Variants in KIF1B observed in about 807,000 individuals in gnomAD.
The protein encoded by KIF1B is kinesin-like protein KIF1B.
KIF1B carries 76 observed loss-of-function variants against 241.9 expected under a neutral mutation model. The ratio of observed to expected loss-of-function variants is 0.31; its 90% CI spans 0.26 to 0.38. The LOEUF (loss-of-function observed/expected upper bound fraction) is 0.38, where lower values mean the gene tolerates loss of function less well. KIF1B is among the 10% of genes least tolerant of loss of function. The pLI, the probability that KIF1B is intolerant of heterozygous loss-of-function variation, is 1.00. For synonymous variants in KIF1B, 750 were observed against 796.7 expected, an observed-to-expected ratio of 0.94 and a Z score of 0.99; for missense variants, 1,622 against 2,271.4, an observed-to-expected ratio of 0.71 and a Z score of 5.81.
At chr1:10,345,822 C>A (rs1339066679) in intron 34 of KIF1B, 23 bp from the exon 35 acceptor site, 2 of 1,582,102 alleles carry the variant, frequency 1.3e-6, no homozygotes, top group African/African-American at 1.3e-5. Context: ...CAGATTTTGA[C>A]ATACTCTAAA....
chr1:10,289,929 TCA>T (rs138715209), intron 15 of KIF1B, among the ~76,000 whole-genome samples: 7,973 of 152,114 alleles, frequency 0.052, 330 homozygotes, highest in Middle Eastern at 0.12. Flanking sequence ...TAGGATTATA[TCA>T]GTCTCCTTAC....
At chr1:10,275,131 T>C (rs1337278467) in intron 10 of KIF1B, among the ~76,000 whole-genome samples, 2 of 152,194 alleles carry the variant, frequency 1.3e-5, no homozygotes, top group East Asian at 3.8e-4. Context: ...TGAAAGATGA[T>C]TGGCAGAGTA....
rs1649595190 is a variant in KIF1B at position 10,284,568 on chromosome 1, C to T, written c.1434+2035C>T. On this transcript the variant is annotated intron_variant, in intron 15 of 48. Coordinates refer to ENST00000676179, the MANE Select transcript of KIF1B (RefSeq NM_001365951.3). The stretch of plus-strand genomic sequence containing the variant: ...AAGCATGGTGGCACACGCCTGTAAT[C>T]CCAGCTGCTTGGAGGGTGAGGCACA... Among the ~76,000 whole-genome samples the T allele has an allele frequency of 3.3e-5, 5 of 152,132 alleles. No homozygotes were observed. The South Asian group carries it at 1.0e-3, about 32-fold the overall frequency.
intron 32 of KIF1B, 94 bp from the exon 33 acceptor site, chr1:10,341,951 CAAAAA>C (rs33942183): frequency 5.8e-5 from 40 of 693,998 alleles, no homozygotes; most frequent in African/African-American, 8.3e-5. Flanking sequence ...GACCTTGCCT[CAAAAA>C]AAAAAAAAAA....
In KIF1B at chr1:10,365,422, G is replaced by A. The variant is rs201477179; in HGVS notation, c.4526G>A (p.Arg1509His). 79 of 1,613,958 alleles carry A rather than the reference G, an allele frequency of 4.9e-5. No homozygotes were observed. Among genetic ancestry groups the A allele is most frequent in the African/African-American group, 1.1e-4 (8 of 74,874 alleles). Residue 1509 changes from arginine to histidine, a missense_variant, in exon 43 of 49, where the codon CGC becomes CAC. Arg to His is a conservative substitution (Grantham distance 29, BLOSUM62 0). This residue lies in a region of KIF1B where 357 missense variants were observed against 409.0 expected (regional missense o/e 0.87). Transcript: ENST00000676179. This position sits in a 1 kb window ranked among gnomAD's most constrained non-coding sequence, Gnocchi z 4.0. ...LELLHEVEKT[R>H]HFLLLRERLG... ...TGATCTTCTCAGGTGGAAAAAACCC[G>A]CCACTTTTTGCTGCTGCGTGAGAGA...
rs575913872 is a variant in KIF1B, at chr1:10,251,348, C to T, written c.107-4899C>T. Among the ~76,000 whole-genome samples, 72 of 135,382 alleles carry T rather than the reference C, an allele frequency of 5.3e-4. 1 individual carries two copies. The East Asian group carries it at 8.6e-3, about 16-fold the overall frequency. The allele number at this position is 135,382 out of a possible 152,430, so 88.8% of individuals were successfully genotyped here. On this transcript the variant is annotated intron_variant, in intron 2 of 48. Transcript: ENST00000676179. Reference sequence around the variant, plus strand: ...TTTCCTTTCTTTTTTTTTTTTTTTACTAAGGAAAAGAGAACAAAGCGATAA... The same window carrying T: ...TTTCCTTTCTTTTTTTTTTTTTTTATTAAGGAAAAGAGAACAAAGCGATAA...
rs184232081 is a variant in KIF1B, at chr1:10,379,482, G to A, written c.*2895G>A. On this transcript the variant is annotated 3_prime_UTR_variant, in exon 49 of 49. Transcript: ENST00000676179. ...GTCCAGGGTGGGTGCTCCCTTGCCC[G>A]ACAGAACCATCCCCACTGTGAGGCT... is the stretch of plus-strand genomic sequence containing the variant. 1.5e-3 allele frequency: 338 copies of A among 231,860 alleles called. 1 individual carries two copies. Among genetic ancestry groups the A allele is most frequent in the African/African-American group, 6.9e-3 (312 of 45,392 alleles). 14.4% of individuals were successfully genotyped at this position (231,860 alleles called of 1,614,324 possible). A position where few individuals can be genotyped will look rare whatever the true frequency, so the allele number is the denominator to read the frequency against.
Position 10,365,736 on chromosome 1 carries a change from C to T in KIF1B, c.4752+88C>T, listed in dbSNP as rs1290000681. On this transcript the variant is annotated intron_variant, in intron 43 of 48. Coordinates refer to ENST00000676179, the MANE Select transcript of KIF1B (RefSeq NM_001365951.3). The surrounding 1 kb of genome is among the most constrained non-coding windows in gnomAD (Gnocchi z 4.0). ...TTTATTCATTTTCAACACCTTTGTT[C>T]GAGGTGTTTGAAGGCCTGTGATAAT... 13 of 1,559,584 alleles carry T rather than the reference C, an allele frequency of 8.3e-6. No individual in the cohort carries two copies. Among genetic ancestry groups the T allele is most frequent in the Admixed American group, 3.3e-5 (2 of 59,702 alleles).
At chr1:10,225,902 T>A (rs765676893) in intron 1 of KIF1B, among the ~76,000 whole-genome samples, 2 of 152,090 alleles carry the variant, frequency 1.3e-5, no homozygotes, top group Non-Finnish European at 2.9e-5. Flanking sequence ...TAGAAATAGA[T>A]CTGTACTTCA....
Position 10,337,292 on chromosome 1 carries a change from A to C in KIF1B, c.3260-79A>C, listed in dbSNP as rs1037805013. On this transcript the variant is annotated intron_variant, in intron 30 of 48. Transcript: ENST00000676179. This position sits in a 1 kb window ranked among gnomAD's most constrained non-coding sequence, Gnocchi z 4.0. ...TCAAGGGACATAGTGGCCTTCATCA[A>C]CTAGGAATGGAAAGCATGCCCAACT... 15 of 1,612,554 alleles carry C rather than the reference A, an allele frequency of 9.3e-6. No individual in the cohort carries two copies. The Admixed American group carries it at 2.5e-4, about 27-fold the overall frequency.
intron 2 of KIF1B, 80 bp downstream of exon 2, chr1:10,232,514 A>G: frequency 1.0e-6 from 1 of 972,768 alleles, no homozygotes; most frequent in Non-Finnish European, 1.6e-6. Context: ...TGTTCAGAAT[A>G]GATGAACATC....
chr1:10,306,524 T>A, intron 22 of KIF1B: 1 of 709,918 alleles, frequency 1.4e-6, no homozygotes, highest in Non-Finnish European at 1.8e-6. Flanking sequence ...AGCAGGAGGA[T>A]CCCTAGAGCC....
rs1569831619 is a variant in KIF1B at position 10,326,487 on chromosome 1, C to T, written c.2924+128C>T. 2 of 1,233,562 alleles carry T rather than the reference C, an allele frequency of 1.6e-6. No homozygotes were observed. The highest frequency in any genetic ancestry group is 4.6e-5 in the East Asian group (2 of 43,020). The allele number at this position is 1,233,562 out of a possible 1,614,324, so 76.4% of individuals were successfully genotyped here. A position where few individuals can be genotyped will look rare whatever the true frequency, so the allele number is the denominator to read the frequency against. The stretch of plus-strand genomic sequence containing the variant: ...TCATGAATGCTCTTTTTCAAGTTCT[C>T]CAATACTTCAAGCTCTTAGTCAGTG... On this transcript the variant is annotated intron_variant, in intron 27 of 48. Transcript: ENST00000676179. The surrounding 1 kb of genome is among the most constrained non-coding windows in gnomAD (Gnocchi z 5.2).
At chr1:10,375,444 G>GCCAAGACCAAGCCACTGCA in intron 48 of KIF1B, 71 bp downstream of exon 48, 1 of 1,317,626 alleles carries the variant, frequency 7.6e-7, no homozygotes, top group Non-Finnish European at 1.1e-6. Flanking sequence ...AAGTGCAGTG[G>GCCAAGACCAAGCCACTGCA]CTTGGTCTTG....
intron 4 of KIF1B, 55 bp from the exon 5 acceptor site, chr1:10,261,850 A>G: frequency 9.0e-7 from 1 of 1,111,684 alleles, no homozygotes; most frequent in Non-Finnish European, 1.4e-6. Context: ...CGCGTGGATG[A>G]CTTAGTACTC....
chr1:10,251,492 T>A (rs1569573333), intron 2 of KIF1B, among the ~76,000 whole-genome samples: 1 of 152,114 alleles, frequency 6.6e-6, no homozygotes, highest in East Asian at 1.9e-4. Context: ...CCCAGCACTT[T>A]GGGTGGCTTA....
At chr1:10,267,640 AT>A in intron 6 of KIF1B, 82 bp downstream of exon 6, 1 of 1,302,106 alleles carries the variant, frequency 7.7e-7, no homozygotes, top group Non-Finnish European at 1.1e-6. Flanking sequence ...TTGAGGCCAC[AT>A]TTATAGCTAT....
chr1:10,244,188 G>T lies in KIF1B; in HGVS notation c.106+11754G>T, dbSNP rs139399994. On this transcript the variant is annotated intron_variant, in intron 2 of 48. Coordinates refer to ENST00000676179, the MANE Select transcript of KIF1B (RefSeq NM_001365951.3). ...TTTTGCTCAAATCTTTATGGCAATA[G>T]GTTTTACTATGTTTCTATATTGTGA... Among the ~76,000 whole-genome samples the T allele has an allele frequency of 3.3e-5, 5 of 152,156 alleles. No homozygotes were observed. In the East Asian group the frequency reaches 7.7e-4, roughly 23 times the overall value.
In KIF1B at chr1:10,296,890, G is replaced by T. The variant is rs758079105; in HGVS notation, c.1862-7G>T. 2 of 1,613,006 alleles carry T rather than the reference G, an allele frequency of 1.2e-6. No homozygotes were observed. Among genetic ancestry groups the T allele is most frequent in the East Asian group, 2.2e-5 (1 of 44,868 alleles). On this transcript the variant is annotated splice_region_variant and splice_polypyrimidine_tract_variant and intron_variant, in intron 20 of 48. Coordinates refer to ENST00000676179, the MANE Select transcript of KIF1B (RefSeq NM_001365951.3). ...TTTCTTAACCCTATTTTTCTGTTTT[G>T]TGCTAGGAAACCGTATCATCATGGG...
Sources: gnomAD v4.1 joint callset for allele counts (sites outside exome capture counted in the v4.1 genomes callset) on GRCh38, gnomAD v4.1.1 for gene constraint, gnomAD v4.1.1 regional missense constraint, Gnocchi (gnomAD v3.1) non-coding constraint, MANE v1.5 for transcripts, NCBI Gene and HGNC (gene_info 2026-07-23, HGNC 2026-07-21) for gene names.